Variants in SORCS1 observed in about 807,000 individuals in gnomAD.
The protein encoded by SORCS1 is VPS10 domain-containing receptor SorCS1.
SORCS1 carries 60 observed loss-of-function variants against 146.1 expected under a neutral mutation model. That is an observed-to-expected ratio of 0.41 (90% CI 0.33 to 0.51). The LOEUF (loss-of-function observed/expected upper bound fraction) is 0.51. SORCS1 is among the 20% of genes least tolerant of loss of function. The pLI is 0.21. For synonymous variants in SORCS1, 637 were observed against 584.0 expected (o/e 1.09, Z -1.31); for missense variants, 1,352 against 1,487.6 (o/e 0.91, Z 1.50).
chr10:106,813,456 A>G (rs1414836651), intron 3 of SORCS1, among the ~76,000 whole-genome samples: 1 of 152,152 alleles, frequency 6.6e-6, no homozygotes, highest in Non-Finnish European at 1.5e-5. Context: ...TCTGAAATGC[A>G]TTCCCTCCAA....
chr10:106,815,060 C>G (rs996699713), intron 3 of SORCS1, among the ~76,000 whole-genome samples: 1 of 152,032 alleles, frequency 6.6e-6, no homozygotes, highest in South Asian at 2.1e-4. Context: ...CCTGGCTTCA[C>G]GCCCTTCTCC....
chr10:106,891,886 G>C (rs1404923091), intron 2 of SORCS1, among the ~76,000 whole-genome samples: 2 of 152,110 alleles, frequency 1.3e-5, no homozygotes, highest in Non-Finnish European at 2.9e-5. Flanking sequence ...GAAATGTACT[G>C]TTCTTTCATT....
In SORCS1 at chr10:107,164,463, C is replaced by A. The variant is rs1194137254; in HGVS notation, c.64G>T (p.Gly22Trp). The change falls in exon 1 of 26, where the codon GGG becomes TGG. Residue 22 changes from glycine (G) to tryptophan (W), a missense_variant. Gly to Trp is a radical substitution (Grantham distance 184, BLOSUM62 -2). This residue lies in a region of SORCS1 where 490 missense variants were observed against 489.1 expected (regional missense o/e 1.00). Transcript: ENST00000263054. The surrounding 1 kb of genome is among the most constrained non-coding windows in gnomAD (Gnocchi z 6.8). Reference protein sequence around the residue: ...ARLSALLAGAGLLILCAPGVC... With the variant: ...ARLSALLAGAWLLILCAPGVC... ...CCCGGGGCGCAGAGGATCAAGAGCC[C>A]CGCGCCGGCGAGGAGCGCGCTCAGC... 7.3e-7 allele frequency: 1 copy of A among 1,370,210 alleles called. No individual in the cohort carries two copies. The highest frequency in any genetic ancestry group is 9.4e-7 in the Non-Finnish European group (1 of 1,069,438). The allele number at this position is 1,370,210 out of a possible 1,614,324, so 84.9% of individuals were successfully genotyped here.
chr10:106,725,110 G>A lies in SORCS1; in HGVS notation c.1024+4940C>T, dbSNP rs763803275. 5.7e-4 allele frequency among the ~76,000 whole-genome samples: 85 copies of A among 150,400 alleles called. 1 individual carries two copies. Among genetic ancestry groups the A allele is most frequent in the Middle Eastern group, 3.6e-3 (1 of 278 alleles). On this transcript the variant is annotated intron_variant, in intron 6 of 25. Transcript: ENST00000263054. Reference sequence around the variant, plus strand: ...AGCTGAGAGTGCACCACTGCACTCCGGGCTGGGCAACAGAGAGAGACTTCA... The same window carrying A: ...AGCTGAGAGTGCACCACTGCACTCCAGGCTGGGCAACAGAGAGAGACTTCA...
chr10:106,931,237 T>C (rs1418188140), intron 2 of SORCS1, among the ~76,000 whole-genome samples: 1 of 152,248 alleles, frequency 6.6e-6, no homozygotes, highest in Middle Eastern at 3.2e-3. Context: ...AATACTTTTT[T>C]GGCTGTTAAT....
At chr10:106,810,224 A>G (rs981768940) in intron 3 of SORCS1, among the ~76,000 whole-genome samples, 1 of 142,044 alleles carries the variant, frequency 7.0e-6, no homozygotes, top group African/African-American at 2.6e-5. Flanking sequence ...CCGTCTCAGG[A>G]AAAAAAAAAA....
intron 23 of SORCS1, among the ~76,000 whole-genome samples, chr10:106,603,157 C>G (rs1361948640): frequency 6.6e-6 from 1 of 152,136 alleles, no homozygotes; most frequent in African/African-American, 2.4e-5. Context: ...GGCGGTCTTT[C>G]CTCCCTACAG....
At chr10:107,141,446 G>A (rs676566) in intron 1 of SORCS1, among the ~76,000 whole-genome samples, 82,830 of 151,938 alleles carry the variant, frequency 0.55, 23,091 homozygotes, top group African/African-American at 0.66. Flanking sequence ...AGTGAGCCCA[G>A]TGGGGATTAT....
chr10:106,725,194 T>A (rs371805754), intron 6 of SORCS1, among the ~76,000 whole-genome samples: 229 of 152,226 alleles, frequency 1.5e-3, no homozygotes, highest in African/African-American at 5.1e-3. Context: ...AAAGTATATT[T>A]GGCATATACT....
chr10:106,939,262 G>A (rs549478649), intron 2 of SORCS1, among the ~76,000 whole-genome samples: 6 of 152,264 alleles, frequency 3.9e-5, no homozygotes, highest in East Asian at 1.9e-4. Flanking sequence ...CCAAGTCTTC[G>A]ATTATTTCAA....
At chr10:106,990,202 T>C (rs1475267586) in intron 1 of SORCS1, among the ~76,000 whole-genome samples, 1 of 152,192 alleles carries the variant, frequency 6.6e-6, no homozygotes, top group Admixed American at 6.5e-5. Flanking sequence ...AGTCAAGCTC[T>C]GACTAAAGCA....
intron 23 of SORCS1, among the ~76,000 whole-genome samples, chr10:106,604,063 G>A (rs1001894757): frequency 1.1e-4 from 17 of 152,278 alleles, no homozygotes; most frequent in African/African-American, 3.8e-4. Flanking sequence ...TTGATAAACT[G>A]GCTAAATAGA....
chr10:106,802,503 T>A (rs1946953698), intron 3 of SORCS1, among the ~76,000 whole-genome samples: 1 of 151,876 alleles, frequency 6.6e-6, no homozygotes, highest in South Asian at 2.1e-4. Context: ...AGCTAATTTT[T>A]TTTTTTTTTT....
At chr10:106,767,967 C>T (rs1368824051) in intron 4 of SORCS1, among the ~76,000 whole-genome samples, 1 of 152,138 alleles carries the variant, frequency 6.6e-6, no homozygotes. Flanking sequence ...TCTCCTTATT[C>T]TTGTAGCTCT....
At chr10:107,056,767 A>G (rs920202904) in intron 1 of SORCS1, among the ~76,000 whole-genome samples, 1 of 152,254 alleles carries the variant, frequency 6.6e-6, no homozygotes, top group African/African-American at 2.4e-5. Flanking sequence ...TTCTTCCAAG[A>G]CAGACAGAGA....
chr10:106,610,756 G>A (rs533434631), intron 22 of SORCS1, among the ~76,000 whole-genome samples: 17 of 152,300 alleles, frequency 1.1e-4, no homozygotes, highest in African/African-American at 3.4e-4. Flanking sequence ...CCCCATGAGC[G>A]GCTATCCCAC....
chr10:107,168,371 A>G (rs1182625727), upstream of SORCS1, among the ~76,000 whole-genome samples: 1 of 152,210 alleles, frequency 6.6e-6, no homozygotes, highest in African/African-American at 2.4e-5. Context: ...AGCGTATATT[A>G]CAGCATTTAA....
intron 1 of SORCS1, among the ~76,000 whole-genome samples, chr10:107,123,937 A>G (rs2134566304): frequency 6.7e-6 from 1 of 148,508 alleles, no homozygotes; most frequent in Non-Finnish European, 1.5e-5. Context: ...AAAAAAAAAA[A>G]TGAGCTGGGC....
intron 17 of SORCS1, among the ~76,000 whole-genome samples, chr10:106,663,920 T>A (rs569895122): frequency 6.6e-6 from 1 of 152,348 alleles, no homozygotes; most frequent in Non-Finnish European, 1.5e-5. Context: ...CCTGTGAGCA[T>A]CTTACTTATG....
Sources: allele counts gnomAD v4.1 joint callset (sites outside exome capture counted in the v4.1 genomes callset), GRCh38; gene constraint gnomAD v4.1.1; regional missense constraint gnomAD v4.1.1; non-coding constraint Gnocchi (gnomAD v3.1); transcripts MANE v1.5; gene names NCBI Gene and HGNC (gene_info 2026-07-23, HGNC 2026-07-21).